SUSD6: variants seen among roughly 807,000 people sequenced by gnomAD.
SUSD6 encodes the protein sushi domain containing 6.
In SUSD6, 16 loss-of-function variants were observed where a neutral mutation model predicts 28.4. The observed-to-expected ratio is 0.56, with a 90% CI of 0.38 to 0.86. SUSD6 has a LOEUF of 0.86. SUSD6 is among the 40% of genes least tolerant of loss of function. SUSD6 has a pLI of 0.00. For missense variants in SUSD6, 341 were observed against 384.2 expected, an observed-to-expected ratio of 0.89 and a Z score of 0.94; for synonymous variants, 147 against 159.6, an observed-to-expected ratio of 0.92 and a Z score of 0.59.
At chr14:69,669,818 T>TGAATGGAATTAACAAGAGCTCCTAGTCG (rs554018667) in intron 2 of SUSD6, among the ~76,000 whole-genome samples, 434 of 152,368 alleles carry the variant, frequency 2.8e-3, no homozygotes, top group African/African-American at 0.01. Flanking sequence ...GTGTGTTTAT[T>TGAATGGAATTAACAAGAGCTCCTAGTCG]GAATGGAATT....
chr14:69,613,548 G>A (rs1014641245), intron 1 of SUSD6, among the ~76,000 whole-genome samples: 11 of 152,180 alleles, frequency 7.2e-5, no homozygotes, highest in South Asian at 2.1e-4. Flanking sequence ...ATGTGATACC[G>A]AATGTATGCC....
At chr14:69,704,581 C>A in intron 3 of SUSD6, 23 bp from the exon 4 acceptor site, 1 of 1,603,604 alleles carries the variant, frequency 6.2e-7, no homozygotes, top group South Asian at 1.1e-5. Flanking sequence ...CAAAACCCTT[C>A]TGATGATGGC....
At chr14:69,625,266 T>C (rs551443822) in intron 1 of SUSD6, among the ~76,000 whole-genome samples, 51 of 152,380 alleles carry the variant, frequency 3.3e-4, no homozygotes, top group African/African-American at 1.2e-3. Context: ...GTTAACTCAG[T>C]ATCTGGCACA....
intron 1 of SUSD6, among the ~76,000 whole-genome samples, chr14:69,626,250 G>A (rs10149936): frequency 6.6e-6 from 1 of 152,108 alleles, no homozygotes; most frequent in African/African-American, 2.4e-5. Context: ...GGTTTTTACA[G>A]TATACTTCTT....
At chr14:69,682,832 T>C (rs1286337782) in intron 2 of SUSD6, among the ~76,000 whole-genome samples, 4 of 152,212 alleles carry the variant, frequency 2.6e-5, no homozygotes, top group Middle Eastern at 6.8e-3. Flanking sequence ...TTGCCTCCCT[T>C]TTTTCCCCTG....
chr14:69,709,055 C>T lies in SUSD6; in HGVS notation c.837C>T (p.Asn279=). 2 of 1,612,954 alleles carry T rather than the reference C, an allele frequency of 1.2e-6. No homozygotes were observed. Among genetic ancestry groups the T allele is most frequent in the Non-Finnish European group, 1.7e-6 (2 of 1,179,578 alleles). The part of the protein sequence containing the change: ...LAHKETADSE[N]SDIQSLLSLT... ...ACAAAGAAACTGCAGATTCAGAGAA[C>T]AGTGACATACAAAGCCTTTTATCCC... The change falls in exon 5 of 6, where the codon AAC becomes AAT. Residue 279 remains asparagine, a synonymous_variant. Transcript: ENST00000342745.
At chr14:69,693,889 C>G (rs1886187129) in intron 2 of SUSD6, among the ~76,000 whole-genome samples, 1 of 152,218 alleles carries the variant, frequency 6.6e-6, no homozygotes, top group African/African-American at 2.4e-5. Context: ...AGTTAGGTAC[C>G]AATTTGGAGA....
At chr14:69,707,029 A>G (rs79381970) in intron 4 of SUSD6, among the ~76,000 whole-genome samples, 9,556 of 152,076 alleles carry the variant, frequency 0.063, 343 homozygotes, top group East Asian at 0.15. Context: ...AAAAAAGCCA[A>G]TGTCATGAAA....
Position 69,711,315 on chromosome 14 carries a change from A to G in SUSD6, c.*336A>G, listed in dbSNP as rs752591540. ...CAGCTCTTTGGCGGCAGCCCCCACC[A>G]GCTCCTGTGGGCCTGAGTGCTGCTG... On this transcript the variant is annotated 3_prime_UTR_variant, in exon 6 of 6. Coordinates refer to ENST00000342745, the MANE Select transcript of SUSD6 (RefSeq NM_014734.4). 1.4e-4 allele frequency: 54 copies of G among 382,832 alleles called. No homozygotes were observed. The highest frequency in any genetic ancestry group is 2.4e-4 in the Non-Finnish European group (50 of 206,860). The allele number at this position is 382,832 out of a possible 1,614,324, so 23.7% of individuals were successfully genotyped here.
chr14:69,634,447 A>G (rs937746428), intron 1 of SUSD6, among the ~76,000 whole-genome samples: 2 of 152,224 alleles, frequency 1.3e-5, no homozygotes, highest in African/African-American at 2.4e-5. Flanking sequence ...AGAATCTTGC[A>G]TGAAATTAAA....
At chr14:69,637,617 A>G (rs1702555162) in intron 1 of SUSD6, among the ~76,000 whole-genome samples, 1 of 152,154 alleles carries the variant, frequency 6.6e-6, no homozygotes, top group Non-Finnish European at 1.5e-5. Context: ...GTGGCAAAGC[A>G]TTGGGTGATG....
At chr14:69,641,684 G>T (rs1177973121) in intron 1 of SUSD6, among the ~76,000 whole-genome samples, 1 of 151,980 alleles carries the variant, frequency 6.6e-6, no homozygotes, top group Non-Finnish European at 1.5e-5. Context: ...CAACCTCCTG[G>T]GCTCAAGCAG....
intron 1 of SUSD6, among the ~76,000 whole-genome samples, chr14:69,653,966 G>C (rs1311749445): frequency 2.6e-5 from 4 of 151,924 alleles, no homozygotes; most frequent in African/African-American, 9.7e-5. Context: ...AGTAACCCTT[G>C]GCCTAGCCTT....
At chr14:69,614,817 C>T (rs910284534) in intron 1 of SUSD6, among the ~76,000 whole-genome samples, 32 of 152,186 alleles carry the variant, frequency 2.1e-4, no homozygotes, top group Middle Eastern at 3.2e-3. Context: ...AGAGGGCACA[C>T]GTGGTTGTCT....
At chr14:69,658,780 C>T (rs1030451132) in intron 2 of SUSD6, 67 bp downstream of exon 2, 4 of 1,604,432 alleles carry the variant, frequency 2.5e-6, no homozygotes, top group South Asian at 1.1e-5. Flanking sequence ...CTCTCGAAGA[C>T]TAGGACAGGG....
At chr14:69,697,371 G>A (rs1347595755) in intron 2 of SUSD6, among the ~76,000 whole-genome samples, 1 of 152,116 alleles carries the variant, frequency 6.6e-6, no homozygotes, top group African/African-American at 2.4e-5. Context: ...TGGGAATGCA[G>A]CCCAGTAGAT....
At chr14:69,687,236 A>T (rs1886086691) in intron 2 of SUSD6, among the ~76,000 whole-genome samples, 1 of 152,172 alleles carries the variant, frequency 6.6e-6, no homozygotes, top group Admixed American at 6.5e-5. Flanking sequence ...TGGTCTCCCG[A>T]AGTGCTGGGA....
chr14:69,626,776 C>T (rs1453607194), intron 1 of SUSD6, among the ~76,000 whole-genome samples: 1 of 151,850 alleles, frequency 6.6e-6, no homozygotes, highest in Non-Finnish European at 1.5e-5. Context: ...AACTCCTGGA[C>T]TTAAGTGCTT....
intron 2 of SUSD6, among the ~76,000 whole-genome samples, chr14:69,695,817 A>T (rs992677181): frequency 6.6e-6 from 1 of 152,236 alleles, no homozygotes; most frequent in Non-Finnish European, 1.5e-5. Flanking sequence ...AAGTGCTCAG[A>T]TAGTGCCTGG....
Sources: allele counts gnomAD v4.1 joint callset (sites outside exome capture counted in the v4.1 genomes callset), GRCh38; gene constraint gnomAD v4.1.1; transcripts MANE v1.5; gene names NCBI Gene and HGNC (gene_info 2026-07-23, HGNC 2026-07-21).